SLC25A21: variants seen among roughly 807,000 people sequenced by gnomAD.
SLC25A21 encodes the protein mitochondrial 2-oxodicarboxylate carrier.
A neutral mutation model predicts 43.8 loss-of-function variants in SLC25A21; 47 were observed. The ratio of observed to expected loss-of-function variants is 1.07; its 90% CI spans 0.85 to 1.37. The LOEUF (loss-of-function observed/expected upper bound fraction) is 1.37, where lower values mean the gene tolerates loss of function less well. Ranked by LOEUF, SLC25A21 falls within the 40% of genes most tolerant of loss-of-function variation. SLC25A21 has a pLI of 0.00. For missense variants in SLC25A21, 352 were observed against 350.2 expected, an observed-to-expected ratio of 1.00 and a Z score of -0.04; for synonymous variants, 131 against 121.3, an observed-to-expected ratio of 1.08 and a Z score of -0.52.
At chr14:36,915,718 T>C (rs974960663) in intron 1 of SLC25A21, among the ~76,000 whole-genome samples, 1 of 152,144 alleles carries the variant, frequency 6.6e-6, no homozygotes, top group African/African-American at 2.4e-5. Context: ...GGCAATAGAT[T>C]TGCTGTGATC....
At chr14:36,735,812 CTTTTTTTTTT>C (rs58500416) in intron 3 of SLC25A21, among the ~76,000 whole-genome samples, 1 of 131,684 alleles carries the variant, frequency 7.6e-6, no homozygotes, top group Non-Finnish European at 1.6e-5. Context: ...TCCCAGAATC[CTTTTTTTTTT>C]TTTTTTTTGT....
intron 3 of SLC25A21, among the ~76,000 whole-genome samples, chr14:36,767,540 T>C (rs1393072080): frequency 1.3e-5 from 2 of 152,142 alleles, no homozygotes; most frequent in African/African-American, 2.4e-5. Context: ...AGCGTAAAAG[T>C]AGAAAGCAAG....
Position 37,062,241 on chromosome 14 carries a change from C to T in SLC25A21, c.70+110040G>A, listed in dbSNP as rs1291980818. Among the ~76,000 whole-genome samples the T allele has an allele frequency of 4.6e-5, 7 of 152,108 alleles. No homozygotes were observed. The East Asian group carries it at 1.3e-3, about 29-fold the overall frequency. On this transcript the variant is annotated intron_variant, in intron 1 of 9. Coordinates refer to ENST00000331299, the MANE Select transcript of SLC25A21 (RefSeq NM_030631.4). ...GTTGATTTAAACCAAATTCTACAGG[C>T]ATTGGAAGTCAGGAAAGGAAAATCA...
At chr14:37,016,972 G>A (rs1960870471) in intron 1 of SLC25A21, among the ~76,000 whole-genome samples, 1 of 152,042 alleles carries the variant, frequency 6.6e-6, no homozygotes, top group East Asian at 1.9e-4. Context: ...TGGCTTAAGG[G>A]AAGGCCATGG....
At chr14:36,871,673 T>C (rs149353251) in intron 2 of SLC25A21, among the ~76,000 whole-genome samples, 39 of 152,296 alleles carry the variant, frequency 2.6e-4, no homozygotes, top group African/African-American at 7.7e-4. Context: ...CCACTTAGCA[T>C]TGGTGATTTT....
chr14:37,057,174 T>G (rs1006402246), intron 1 of SLC25A21, among the ~76,000 whole-genome samples: 1 of 152,234 alleles, frequency 6.6e-6, no homozygotes, highest in East Asian at 1.9e-4. Flanking sequence ...TAATCTCTGT[T>G]TAGTCACCAG....
chr14:36,687,111 C>A (rs2139144441), intron 7 of SLC25A21, among the ~76,000 whole-genome samples: 1 of 152,224 alleles, frequency 6.6e-6, no homozygotes, highest in East Asian at 1.9e-4. Flanking sequence ...GCCACCATAC[C>A]CAGCTAAATT....
At position 37,172,549 on chromosome 14, in the gene SLC25A21, C is replaced by T. The variant is rs565550829; in HGVS notation, c.-199G>A. ...CGCGCGATCTCCGGCGCGTCGGAAC[C>T]TGTTCGCAGCGCTCTCGCAGAGGCG... On this transcript the variant is annotated 5_prime_UTR_variant, in exon 1 of 10. Coordinates refer to ENST00000331299, the MANE Select transcript of SLC25A21 (RefSeq NM_030631.4). 23 of 716,342 alleles carry T rather than the reference C, an allele frequency of 3.2e-5. No homozygotes were observed. Among genetic ancestry groups the T allele is most frequent in the African/African-American group, 2.4e-4 (14 of 57,550 alleles). The allele number at this position is 716,342 out of a possible 1,614,324, so 44.4% of individuals were successfully genotyped here.
intron 7 of SLC25A21, among the ~76,000 whole-genome samples, chr14:36,689,589 G>C (rs1882707636): frequency 1.3e-5 from 2 of 152,192 alleles, no homozygotes; most frequent in Non-Finnish European, 2.9e-5. Context: ...ATCCACCTAA[G>C]TGAAATGATT....
chr14:36,995,138 T>C lies in SLC25A21; in HGVS notation c.71-120134A>G, dbSNP rs568971804. On this transcript the variant is annotated intron_variant, in intron 1 of 9. Transcript: ENST00000331299. ...TCGTTATACCTCTCAAAGTGTGTTG[T>C]TGAAGTGGTGCTGACTTATCCAATT... 3.3e-5 allele frequency among the ~76,000 whole-genome samples: 5 copies of C among 152,290 alleles called. No individual in the cohort carries two copies. The South Asian group carries it at 6.2e-4, about 19-fold the overall frequency.
At chr14:37,167,743 T>A (rs2180633) in intron 1 of SLC25A21, among the ~76,000 whole-genome samples, 1 of 151,978 alleles carries the variant, frequency 6.6e-6, no homozygotes, top group Non-Finnish European at 1.5e-5. Context: ...AGACCCTGCG[T>A]TTGATGGATC....
chr14:36,683,733 T>C (rs1802133968), intron 9 of SLC25A21, 95 bp downstream of exon 9: 2 of 823,970 alleles, frequency 2.4e-6, no homozygotes, highest in African/African-American at 1.7e-5. Flanking sequence ...TTTTACAAAG[T>C]GGTAAATATT....
At chr14:36,944,840 C>A (rs1298126976) in intron 1 of SLC25A21, among the ~76,000 whole-genome samples, 1 of 152,136 alleles carries the variant, frequency 6.6e-6, no homozygotes, top group Non-Finnish European at 1.5e-5. Context: ...AGGTCCACTG[C>A]CTGAAGCTGA....
chr14:36,727,097 AG>A (rs923616400), intron 5 of SLC25A21, among the ~76,000 whole-genome samples: 23 of 152,166 alleles, frequency 1.5e-4, no homozygotes, highest in African/African-American at 5.1e-4. Context: ...TGCCCAACCA[AG>A]GGTGCTTGGA....
chr14:36,912,601 AT>A (rs1891721196), intron 1 of SLC25A21, among the ~76,000 whole-genome samples: 1 of 152,228 alleles, frequency 6.6e-6, no homozygotes, highest in Non-Finnish European at 1.5e-5. Flanking sequence ...ATAGAGTACA[AT>A]TTTAGATAAA....
chr14:36,987,328 T>C (rs967167098), intron 1 of SLC25A21, among the ~76,000 whole-genome samples: 1 of 152,142 alleles, frequency 6.6e-6, no homozygotes, highest in Non-Finnish European at 1.5e-5. Flanking sequence ...CAATCTTCTT[T>C]TTCTAACCAA....
chr14:36,706,955 A>G (rs866445503), intron 7 of SLC25A21, among the ~76,000 whole-genome samples: 1 of 152,148 alleles, frequency 6.6e-6, no homozygotes, highest in Non-Finnish European at 1.5e-5. Flanking sequence ...AATGATGAAG[A>G]TAAGAATCTT....
intron 3 of SLC25A21, among the ~76,000 whole-genome samples, chr14:36,736,222 A>C (rs1885035180): frequency 6.6e-6 from 1 of 152,118 alleles, no homozygotes; most frequent in South Asian, 2.1e-4. Context: ...GGCGTGAGCC[A>C]CCGTGCCCAG....
intron 6 of SLC25A21, among the ~76,000 whole-genome samples, chr14:36,722,150 C>T (rs534279718): frequency 6.6e-6 from 1 of 152,306 alleles, no homozygotes; most frequent in East Asian, 1.9e-4. Context: ...ACAAAATATA[C>T]ACCAGATTTT....
Sources: gnomAD v4.1 joint callset for allele counts (sites outside exome capture counted in the v4.1 genomes callset) on GRCh38, gnomAD v4.1.1 for gene constraint, MANE v1.5 for transcripts, NCBI Gene and HGNC (gene_info 2026-07-23, HGNC 2026-07-21) for gene names.